The following GRIA3 variants were observed in gnomAD, a reference collection of about 807,000 sequenced individuals.
GRIA3 encodes the protein glutamate receptor 3.
A neutral mutation model predicts 63.0 loss-of-function variants in GRIA3; 3 were observed. The observed-to-expected ratio is 0.05, with a 90% CI of 0.02 to 0.12. The LOEUF (loss-of-function observed/expected upper bound fraction) is 0.12. GRIA3 is among the 10% of genes least tolerant of loss of function. GRIA3 has a pLI of 1.00. For synonymous variants in GRIA3, 274 were observed against 257.9 expected, an observed-to-expected ratio of 1.06 and a Z score of -0.60; for missense variants, 347 against 700.9, an observed-to-expected ratio of 0.50 and a Z score of 5.70.
chrX:123,442,062 C>T (rs625074), intron 12 of GRIA3, among the ~76,000 whole-genome samples: 22,698 of 111,507 alleles, frequency 0.2, 1,635 homozygotes, highest in South Asian at 0.28. Context: ...TAAATTCATA[C>T]AATACGGATA....
chrX:123,305,185 T>G (rs1412114117), intron 3 of GRIA3, among the ~76,000 whole-genome samples: 3 of 111,198 alleles, frequency 2.7e-5, no homozygotes, highest in Non-Finnish European at 3.8e-5. Context: ...CTAAGAAAAA[T>G]GTACTGTTTT....
intron 12 of GRIA3, among the ~76,000 whole-genome samples, chrX:123,449,581 T>A (rs1333766889): frequency 1.8e-5 from 2 of 112,067 alleles, no homozygotes; most frequent in East Asian, 5.6e-4. Context: ...CCAGCCACCT[T>A]TTTTAAATCA....
At chrX:123,473,330 A>G (rs1048305394) in intron 13 of GRIA3, among the ~76,000 whole-genome samples, 17 of 112,617 alleles carry the variant, frequency 1.5e-4, no homozygotes, top group Admixed American at 1.2e-3. Flanking sequence ...TTCATTATAC[A>G]TATCCCAGGT....
At chrX:123,268,942 T>C (rs2044504467) in intron 3 of GRIA3, among the ~76,000 whole-genome samples, 1 of 112,477 alleles carries the variant, frequency 8.9e-6, no homozygotes, top group African/African-American at 3.2e-5. Flanking sequence ...GGCAATTGCC[T>C]AAAGCTAAAA....
chrX:123,303,521 T>C (rs748800895), intron 3 of GRIA3, among the ~76,000 whole-genome samples: 4 of 111,488 alleles, frequency 3.6e-5, no homozygotes, highest in Admixed American at 9.6e-5. Flanking sequence ...GAAGGCACTA[T>C]GGTTAAAAAG....
chrX:123,468,302 A>G (rs756518568), intron 13 of GRIA3, among the ~76,000 whole-genome samples: 92 of 111,387 alleles, frequency 8.3e-4, no homozygotes, highest in African/African-American at 2.9e-3. Flanking sequence ...AAAAAAATCA[A>G]TGGAGAAGGA....
intron 12 of GRIA3, among the ~76,000 whole-genome samples, chrX:123,457,262 A>G (rs1470312593): frequency 9.0e-6 from 1 of 111,263 alleles, no homozygotes; most frequent in Non-Finnish European, 1.9e-5. Context: ...GCTCAGGGGT[A>G]ACAGAAGCCA....
intron 13 of GRIA3, among the ~76,000 whole-genome samples, chrX:123,473,315 A>G (rs1313049595): frequency 1.8e-5 from 2 of 112,530 alleles, no homozygotes; most frequent in East Asian, 5.5e-4. Context: ...GGAGAGATAA[A>G]TCCCTTCATT....
At chrX:123,202,688 T>C (rs772361905) in intron 2 of GRIA3, 164 of 1,164,839 alleles carry the variant, frequency 1.4e-4, no homozygotes, top group Middle Eastern at 4.6e-4. Flanking sequence ...GGGAAAACAA[T>C]TGGACAGCTC....
chrX:123,452,165 A>G (rs189919944), intron 12 of GRIA3, among the ~76,000 whole-genome samples: 2 of 111,659 alleles, frequency 1.8e-5, no homozygotes, highest in African/African-American at 6.5e-5. Context: ...TTCTAAACAC[A>G]TCGTTGAATA....
At chrX:123,423,859 T>A (rs191005798) in intron 11 of GRIA3, among the ~76,000 whole-genome samples, 1 of 112,065 alleles carries the variant, frequency 8.9e-6, no homozygotes, top group East Asian at 2.8e-4. Flanking sequence ...ATAAAATATA[T>A]TTTATTATTA....
At chrX:123,390,115 A>G (rs2045377381) in intron 5 of GRIA3, among the ~76,000 whole-genome samples, 1 of 111,686 alleles carries the variant, frequency 9.0e-6, no homozygotes. Context: ...CTTATTTTGC[A>G]TATACTTTGC....
intron 5 of GRIA3, among the ~76,000 whole-genome samples, chrX:123,375,930 G>A (rs1446948022): frequency 8.9e-6 from 1 of 112,323 alleles, no homozygotes. Flanking sequence ...TCCCACCTCT[G>A]AGTCTTCAAG....
At chrX:123,323,299 A>G (rs2044879943) in intron 3 of GRIA3, among the ~76,000 whole-genome samples, 1 of 111,723 alleles carries the variant, frequency 9.0e-6, no homozygotes, top group Non-Finnish European at 1.9e-5. Flanking sequence ...TGTTTTTTCT[A>G]TTATTACCTA....
At chrX:123,392,793 G>A (rs1475347858) in intron 5 of GRIA3, among the ~76,000 whole-genome samples, 1 of 112,201 alleles carries the variant, frequency 8.9e-6, no homozygotes, top group Non-Finnish European at 1.9e-5. Context: ...TTTCTTCTTT[G>A]TATGGGAGGT....
At chrX:123,247,323 G>A (rs2044364946) in intron 2 of GRIA3, among the ~76,000 whole-genome samples, 1 of 111,566 alleles carries the variant, frequency 9.0e-6, no homozygotes, top group African/African-American at 3.3e-5. Flanking sequence ...TGGAATATGG[G>A]TGGTATAATT....
intron 5 of GRIA3, among the ~76,000 whole-genome samples, chrX:123,388,548 T>C (rs2045366562): frequency 8.9e-6 from 1 of 112,348 alleles, no homozygotes; most frequent in African/African-American, 3.2e-5. Context: ...GCCAGGCCGA[T>C]TTTTCATATT....
At chrX:123,197,681 C>T in intron 2 of GRIA3, among the ~76,000 whole-genome samples, 1 of 112,424 alleles carries the variant, frequency 8.9e-6, no homozygotes, top group Non-Finnish European at 1.9e-5. Flanking sequence ...TATTCATCTA[C>T]TCTCTGCCTT....
chrX:123,320,909 C>G (rs1225413002), intron 3 of GRIA3, among the ~76,000 whole-genome samples: 1 of 111,877 alleles, frequency 8.9e-6, no homozygotes, highest in Non-Finnish European at 1.9e-5. Context: ...CAAGTCACTT[C>G]CCCTGTCTAA....
Sources: allele counts gnomAD v4.1 joint callset (sites outside exome capture counted in the v4.1 genomes callset), GRCh38; gene constraint gnomAD v4.1.1; transcripts MANE v1.5; gene names NCBI Gene and HGNC (gene_info 2026-07-23, HGNC 2026-07-21).